ACOX2: variants seen among roughly 807,000 people sequenced by gnomAD.
ACOX2 encodes the protein peroxisomal acyl-coenzyme A oxidase 2.
A neutral mutation model predicts 77.5 loss-of-function variants in ACOX2; 59 were observed. The observed-to-expected ratio is 0.76, with a 90% CI of 0.62 to 0.95. ACOX2 has a LOEUF of 0.95. Among genes scored for constraint, ACOX2 ranks in the 40% least tolerant of loss-of-function variants. The pLI, the probability that ACOX2 is intolerant of heterozygous loss-of-function variation, is 0.00. For missense variants in ACOX2, 837 were observed against 880.4 expected, an observed-to-expected ratio of 0.95 and a Z score of 0.62; for synonymous variants, 317 against 340.1, an observed-to-expected ratio of 0.93 and a Z score of 0.75.
Position 58,530,546 on chromosome 3 carries a change from C to A in ACOX2, c.912G>T (p.Glu304Asp). ...AGGCCTTCTGCAGTATAGGGAGGAT[C>A]TCCCCTGACAGCAGCTCCACCCGCA... ...VVVRVELLSG[E>D]ILPILQKACV... The change falls in exon 8 of 15, where the codon GAG becomes GAT. Residue 304 changes from glutamate (E) to aspartate (D), a missense_variant. Physicochemically the swap from Glu to Asp is conservative, Grantham distance 45. Transcript: ENST00000302819. 1 of 1,614,262 alleles carries A rather than the reference C, an allele frequency of 6.2e-7. No individual in the cohort carries two copies. The highest frequency in any genetic ancestry group is 8.5e-7 in the Non-Finnish European group (1 of 1,180,052).
intron 13 of ACOX2, among the ~76,000 whole-genome samples, chr3:58,510,740 A>T (rs1205553061): frequency 3.1e-5 from 3 of 96,058 alleles, no homozygotes; most frequent in East Asian, 3.9e-4. Context: ...ACACACACAC[A>T]CTCAACGATT....
At position 58,514,088 on chromosome 3, in the gene ACOX2, C is replaced by T. The variant is rs1295688547; in HGVS notation, c.1850+3118G>A. Among the ~76,000 whole-genome samples the T allele has an allele frequency of 6.6e-6, 1 of 152,134 alleles. No individual in the cohort carries two copies. The highest frequency in any genetic ancestry group is 1.5e-5 in the Non-Finnish European group (1 of 68,034). ...TATTATCAACTATACCTGATGCTCCCTAGTCCACAGATCCTCTATTTACCC... is the reference window on the plus strand; with the variant it reads ...TATTATCAACTATACCTGATGCTCCTTAGTCCACAGATCCTCTATTTACCC... On this transcript the variant is annotated intron_variant, in intron 13 of 14. Transcript: ENST00000302819. This position sits in a 1 kb window ranked among gnomAD's most constrained non-coding sequence, Gnocchi z 4.3.
In ACOX2 at chr3:58,514,412, T is replaced by C. The variant is rs1394942654; in HGVS notation, c.1850+2794A>G. Among the ~76,000 whole-genome samples, 1 of 152,230 alleles carries C rather than the reference T, an allele frequency of 6.6e-6. No individual in the cohort carries two copies. The highest frequency in any genetic ancestry group is 1.5e-5 in the Non-Finnish European group (1 of 68,040). ...GGAAGTCCCCCCAGCTGAGGTTTTA[T>C]GACCGCTTAAACAACTAAAAACTGT... On this transcript the variant is annotated intron_variant, in intron 13 of 14. Coordinates refer to ENST00000302819, the MANE Select transcript of ACOX2 (RefSeq NM_003500.4). The surrounding 1 kb of genome is among the most constrained non-coding windows in gnomAD (Gnocchi z 4.3).
In ACOX2 at chr3:58,534,144, C is replaced by G. The variant is rs1252730357; in HGVS notation, c.325G>C (p.Ala109Pro). The G allele has an allele frequency of 1.2e-6, 2 of 1,613,990 alleles. No homozygotes were observed. The highest frequency in any genetic ancestry group is 1.7e-6 in the Non-Finnish European group (2 of 1,180,040). Residue 109 changes from alanine (A) to proline (P), a missense_variant and splice_region_variant, in exon 4 of 15, where the codon GCC becomes CCC. By Grantham distance (27) the Ala-to-Pro change is conservative (BLOSUM62 -1). Transcript: ENST00000302819. The surrounding 1 kb of genome is among the most constrained non-coding windows in gnomAD (Gnocchi z 4.8). ...DGRELGYAYR[A>P]LSGDVALNIH... Reference sequence around the variant, plus strand: ...TTTAAGGCCACGTCTCCAGAAAGGGCTCTGTTGGGGAGAGATGCTGTAGTT... The same window carrying G: ...TTTAAGGCCACGTCTCCAGAAAGGGGTCTGTTGGGGAGAGATGCTGTAGTT...
Position 58,524,366 on chromosome 3 carries a change from C to A in ACOX2, c.1526+60G>T. 6.4e-7 allele frequency: 1 copy of A among 1,574,748 alleles called. No homozygotes were observed. Among genetic ancestry groups the A allele is most frequent in the African/African-American group, 1.3e-5 (1 of 74,310 alleles). On this transcript the variant is annotated intron_variant, in intron 11 of 14. Transcript: ENST00000302819. This position sits in a 1 kb window ranked among gnomAD's most constrained non-coding sequence, Gnocchi z 5.5. Reference sequence around the variant, plus strand: ...ATGTCCACCCAACCAATCCAAAGGCCCTAGTGTGGCATGGAGCCTGTGCCC... The same window carrying A: ...ATGTCCACCCAACCAATCCAAAGGCACTAGTGTGGCATGGAGCCTGTGCCC...
At chr3:58,510,398 C>T (rs565220398) in intron 13 of ACOX2, among the ~76,000 whole-genome samples, 32 of 151,546 alleles carry the variant, frequency 2.1e-4, no homozygotes, top group South Asian at 1.5e-3. Context: ...TTTGGGAGAC[C>T]GAGGCAGATG....
Position 58,524,513 on chromosome 3 carries a change from G to A in ACOX2, c.1439C>T (p.Pro480Leu). The A allele has an allele frequency of 6.2e-7, 1 of 1,614,220 alleles. No homozygotes were observed. Among genetic ancestry groups the A allele is most frequent in the Non-Finnish European group, 8.5e-7 (1 of 1,180,030 alleles). Residue 480 changes from proline (P) to leucine (L), a missense_variant, in exon 11 of 15, where the codon CCT becomes CTT. Coordinates refer to ENST00000302819, the MANE Select transcript of ACOX2 (RefSeq NM_003500.4). The surrounding 1 kb of genome is among the most constrained non-coding windows in gnomAD (Gnocchi z 5.5). ...CTGGGCTGGACACCTGGCCAGGTCA[G>A]GTGCGGTGAGATATGCGACAGATGG... ...LSPSVAYLTA[P>L]DLARCPAQRA...
rs1320691878 is a variant in ACOX2 at position 58,526,570 on chromosome 3, T to A, written c.1242A>T (p.Gly414=). 1.9e-6 allele frequency: 3 copies of A among 1,614,108 alleles called. No individual in the cohort carries two copies. Among genetic ancestry groups the A allele is most frequent in the Non-Finnish European group, 2.5e-6 (3 of 1,180,044 alleles). Reference sequence around the variant, plus strand: ...GGCCACTCAGCTTTGAGTAGCCATGTCCGCCACAGGCCCTGCGGCACATCT... The same window carrying A: ...GGCCACTCAGCTTTGAGTAGCCATGACCGCCACAGGCCCTGCGGCACATCT... The part of the protein sequence containing the change: ...GAEMCRRACG[G]HGYSKLSGLP... Residue 414 remains glycine, a synonymous_variant, in exon 10 of 15, where the codon GGA becomes GGT. Transcript: ENST00000302819. This position sits in a 1 kb window ranked among gnomAD's most constrained non-coding sequence, Gnocchi z 4.3.
At chr3:58,518,672 C>A (rs535159124) in intron 12 of ACOX2, among the ~76,000 whole-genome samples, 1 of 152,318 alleles carries the variant, frequency 6.6e-6, no homozygotes, top group East Asian at 1.9e-4. Flanking sequence ...CACTCTGTCA[C>A]CCAGGCTGAA....
rs752559593 is a variant in ACOX2 at position 58,522,600 on chromosome 3, G to A, written c.1528C>T (p.Leu510Phe). ...TTAWAHVAVR[L>F]IKDSVQHLQT... The stretch of plus-strand genomic sequence containing the variant: ...AAATGCTGCACTGAGTCCTTTATGA[G>A]CCTGAAAGCCAAAGCAAAAAAGGTT... Residue 510 changes from leucine to phenylalanine, a missense_variant and splice_region_variant, in exon 12 of 15, where the codon CTC (leucine) becomes TTC (phenylalanine). Transcript: ENST00000302819. This position sits in a 1 kb window ranked among gnomAD's most constrained non-coding sequence, Gnocchi z 4.3. 6.2e-7 allele frequency: 1 copy of A among 1,614,086 alleles called. No homozygotes were observed. Among genetic ancestry groups the A allele is most frequent in the Non-Finnish European group, 8.5e-7 (1 of 1,179,970 alleles).
Position 58,509,044 on chromosome 3 carries a change from G to A in ACOX2, c.1851-19C>T, listed in dbSNP as rs754397355. 10 of 1,613,428 alleles carry A rather than the reference G, an allele frequency of 6.2e-6. No individual in the cohort carries two copies. In the Admixed American group the frequency reaches 1.3e-4, roughly 22 times the overall value. ...ATCCTTCCTGGGATAGGAAACAAGA[G>A]TTTGTAAGTATTTTAGATTGCTCTT... On this transcript the variant is annotated intron_variant, in intron 13 of 14. Coordinates refer to ENST00000302819, the MANE Select transcript of ACOX2 (RefSeq NM_003500.4).
At chr3:58,513,903 G>T (rs557291181) in intron 13 of ACOX2, among the ~76,000 whole-genome samples, 21 of 152,130 alleles carry the variant, frequency 1.4e-4, no homozygotes, top group Non-Finnish European at 3.1e-4. Context: ...CCTTCTCCTT[G>T]GGCTGGTCAG....
Position 58,505,137 on chromosome 3 carries a change from C to CT in ACOX2, c.*86dup. On this transcript the variant is annotated 3_prime_UTR_variant, in exon 15 of 15. Coordinates refer to ENST00000302819, the MANE Select transcript of ACOX2 (RefSeq NM_003500.4). The surrounding 1 kb of genome is among the most constrained non-coding windows in gnomAD (Gnocchi z 4.4). ...GATAATGACTCTAAAACATAAATAT[C>CT]TAATTTAAAATTTTAATGTTGCATA... 1 of 1,101,774 alleles carries CT rather than the reference C, an allele frequency of 9.1e-7. No individual in the cohort carries two copies. The allele number at this position is 1,101,774 out of a possible 1,614,324, so 68.2% of individuals were successfully genotyped here.
In ACOX2 at chr3:58,531,453, C is replaced by T. The variant is rs1240732689; in HGVS notation, c.704-87G>A. 7.7e-7 allele frequency: 1 copy of T among 1,291,258 alleles called. No individual in the cohort carries two copies. The highest frequency in any genetic ancestry group is 2.4e-5 in the East Asian group (1 of 42,012). The allele number at this position is 1,291,258 out of a possible 1,614,324, so 80.0% of individuals were successfully genotyped here. ...ATCATACACACATTCCAGGTCACAG[C>T]AGCCTGTGACACTGGGATTATTGTA... is the stretch of plus-strand genomic sequence containing the variant. On this transcript the variant is annotated intron_variant, in intron 6 of 14. Coordinates refer to ENST00000302819, the MANE Select transcript of ACOX2 (RefSeq NM_003500.4). The surrounding 1 kb of genome is among the most constrained non-coding windows in gnomAD (Gnocchi z 5.8).
chr3:58,521,542 G>T lies in ACOX2; in HGVS notation c.1632+954C>A, dbSNP rs1352913417. 6.6e-6 allele frequency among the ~76,000 whole-genome samples: 1 copy of T among 152,108 alleles called. No individual in the cohort carries two copies. Among genetic ancestry groups the T allele is most frequent in the Non-Finnish European group, 1.5e-5 (1 of 68,020 alleles). ...CTCCAGGCCTTCTGCCATGCTCATG[G>T]TCAGGACCACCCTCAGTCCCGGTTC... is the stretch of plus-strand genomic sequence containing the variant. On this transcript the variant is annotated intron_variant, in intron 12 of 14. Transcript: ENST00000302819. This position sits in a 1 kb window ranked among gnomAD's most constrained non-coding sequence, Gnocchi z 4.8.
rs2063394420 is a variant in ACOX2 at position 58,526,404 on chromosome 3, C to T, written c.1346+62G>A. ...TGGGCCTCAGACGGAACCCTCCACC[C>T]AACAGAAGCTTGGTGGGTCCCCAAG... On this transcript the variant is annotated intron_variant, in intron 10 of 14. Coordinates refer to ENST00000302819, the MANE Select transcript of ACOX2 (RefSeq NM_003500.4). The surrounding 1 kb of genome is among the most constrained non-coding windows in gnomAD (Gnocchi z 4.3). 1 of 1,517,664 alleles carries T rather than the reference C, an allele frequency of 6.6e-7. No homozygotes were observed. Among genetic ancestry groups the T allele is most frequent in the South Asian group, 1.3e-5 (1 of 77,432 alleles). The allele number at this position is 1,517,664 out of a possible 1,614,324, so 94.0% of individuals were successfully genotyped here. A position where few individuals can be genotyped will look rare whatever the true frequency, so the allele number is the denominator to read the frequency against.
At chr3:58,518,442 G>A (rs1217733007) in intron 12 of ACOX2, among the ~76,000 whole-genome samples, 4 of 152,152 alleles carry the variant, frequency 2.6e-5, no homozygotes, top group Non-Finnish European at 5.9e-5. Context: ...GACTCAGCAG[G>A]AGGCCTTCAG....
At position 58,512,603 on chromosome 3, in the gene ACOX2, C is replaced by A. The variant is rs765667625; in HGVS notation, c.1851-3578G>T. On this transcript the variant is annotated intron_variant, in intron 13 of 14. Coordinates refer to ENST00000302819, the MANE Select transcript of ACOX2 (RefSeq NM_003500.4). The surrounding 1 kb of genome is among the most constrained non-coding windows in gnomAD (Gnocchi z 4.8). The stretch of plus-strand genomic sequence containing the variant: ...CCCTTAACTCTCTGCCCTCTGCCGT[C>A]ATTTTCCACCGCAGTCATGCCATTC... Among the ~76,000 whole-genome samples, 4 of 152,194 alleles carry A rather than the reference C, an allele frequency of 2.6e-5. No individual in the cohort carries two copies. The highest frequency in any genetic ancestry group is 2.0e-4 in the Admixed American group (3 of 15,270).
At position 58,522,450 on chromosome 3, in the gene ACOX2, G is replaced by T; in HGVS notation, c.1632+46C>A. 6.3e-7 allele frequency: 1 copy of T among 1,585,078 alleles called. No homozygotes were observed. Among genetic ancestry groups the T allele is most frequent in the South Asian group, 1.1e-5 (1 of 90,224 alleles). ...ATTTTCCCAGCAGGGTAGCCTGCCT[G>T]GGAAGCAAAATGGATCCCTTTCAGC... On this transcript the variant is annotated intron_variant, in intron 12 of 14. Transcript: ENST00000302819. This position sits in a 1 kb window ranked among gnomAD's most constrained non-coding sequence, Gnocchi z 4.3.
Sources: gnomAD v4.1 joint callset for allele counts (sites outside exome capture counted in the v4.1 genomes callset) on GRCh38, gnomAD v4.1.1 for gene constraint, Gnocchi (gnomAD v3.1) non-coding constraint, MANE v1.5 for transcripts, NCBI Gene and HGNC (gene_info 2026-07-23, HGNC 2026-07-21) for gene names.